The following NAA16 variants were observed in gnomAD, a reference collection of about 807,000 sequenced individuals.
NAA16 encodes the protein N-alpha-acetyltransferase 16, NatA auxiliary subunit, also known as NARG1-like protein.
Under a neutral mutation model 110.3 loss-of-function variants are expected in NAA16, and 97 were observed. The ratio of observed to expected loss-of-function variants is 0.88; its 90% confidence interval spans 0.75 to 1.04. The LOEUF (loss-of-function observed/expected upper bound fraction) is 1.04. Among genes scored for constraint, NAA16 ranks in the 50% least tolerant of loss-of-function variants. The probability of loss-of-function intolerance (pLI) is 0.00; values close to 1 mark genes in which losing one functional copy is unlikely to be tolerated. For synonymous variants in NAA16, 372 were observed against 330.6 expected, an observed-to-expected ratio of 1.13 and a Z score of -1.36; for missense variants, 1,017 against 1,005.1, an observed-to-expected ratio of 1.01 and a Z score of -0.16.
intron 9 of NAA16, among the ~76,000 whole-genome samples, chr13:41,350,297 GTTTT>G (rs71086566): frequency 7.9e-6 from 1 of 127,364 alleles, no homozygotes; most frequent in Non-Finnish European, 1.7e-5. Flanking sequence ...AATCAGTTTT[GTTTT>G]TTTTTTTTTT....
At chr13:41,360,030 C>T (rs1206465554) in intron 12 of NAA16, among the ~76,000 whole-genome samples, 3 of 152,152 alleles carry the variant, frequency 2.0e-5, no homozygotes, top group Non-Finnish European at 4.4e-5. Flanking sequence ...GCACTAGGTT[C>T]AAAGTCTTCA....
Position 41,311,378 on chromosome 13 carries a change from G to A in NAA16, c.-151G>A. ...CATTGCCACCCGTGCCGAACAGCCAGGCTGCCCAATTGCAACTGTAGACCA... is the reference window on the plus strand; with the variant it reads ...CATTGCCACCCGTGCCGAACAGCCAAGCTGCCCAATTGCAACTGTAGACCA... On this transcript the variant is annotated 5_prime_UTR_variant, in exon 1 of 20. Coordinates refer to ENST00000379406, the MANE Select transcript of NAA16 (RefSeq NM_024561.5). 2.9e-6 allele frequency: 2 copies of A among 690,076 alleles called. No homozygotes were observed. Among genetic ancestry groups the A allele is most frequent in the South Asian group, 3.6e-5 (2 of 54,998 alleles). 42.7% of individuals were successfully genotyped at this position (690,076 alleles called of 1,614,324 possible). A position where few individuals can be genotyped will look rare whatever the true frequency, so the allele number is the denominator to read the frequency against.
intron 7 of NAA16, among the ~76,000 whole-genome samples, chr13:41,331,070 T>C (rs1472866203): frequency 1.3e-5 from 2 of 152,150 alleles, no homozygotes; most frequent in South Asian, 2.1e-4. Flanking sequence ...TGGATTTTTC[T>C]GGAGATGAGT....
In NAA16 at chr13:41,311,268, C is replaced by T. The variant is rs1292389139; in HGVS notation, c.-261C>T. ...GAGGCGGACCCTGGCTGCCATCTTGCAGTGCGCGGGAACCGCCGCCGCCGC... is the reference window on the plus strand; with the variant it reads ...GAGGCGGACCCTGGCTGCCATCTTGTAGTGCGCGGGAACCGCCGCCGCCGC... On this transcript the variant is annotated 5_prime_UTR_variant, in exon 1 of 20. Coordinates refer to ENST00000379406, the MANE Select transcript of NAA16 (RefSeq NM_024561.5). 1 of 550,786 alleles carries T rather than the reference C, an allele frequency of 1.8e-6. No homozygotes were observed. Among genetic ancestry groups the T allele is most frequent in the South Asian group, 2.3e-5 (1 of 44,080 alleles). The allele number at this position is 550,786 out of a possible 1,614,324, so 34.1% of individuals were successfully genotyped here.
intron 4 of NAA16, among the ~76,000 whole-genome samples, 190 bp downstream of exon 4, chr13:41,321,014 A>G (rs1310093522): frequency 1.3e-5 from 2 of 152,262 alleles, no homozygotes; most frequent in African/African-American, 4.8e-5. Flanking sequence ...CAAAAAGAAT[A>G]ACTGGTGGGG....
At chr13:41,327,993 A>G (rs1291925987) in intron 6 of NAA16, 1 of 152,086 alleles carries the variant, frequency 6.6e-6, no homozygotes, top group Admixed American at 6.6e-5. Context: ...GACATTTTAA[A>G]GGGTTATTTG....
chr13:41,339,720 A>G (rs1276577153), intron 9 of NAA16, among the ~76,000 whole-genome samples: 1 of 152,008 alleles, frequency 6.6e-6, no homozygotes, highest in African/African-American at 2.4e-5. Context: ...CACCATGCCC[A>G]GCTAATTTTT....
At chr13:41,361,920 T>C in intron 12 of NAA16, 111 bp from the exon 13 acceptor site, 4 of 1,145,708 alleles carry the variant, frequency 3.5e-6, no homozygotes, top group Non-Finnish European at 4.9e-6. Flanking sequence ...ATATATTTGC[T>C]AATTGCTGCT....
intron 5 of NAA16, among the ~76,000 whole-genome samples, chr13:41,323,638 C>T: frequency 6.6e-6 from 1 of 151,916 alleles, no homozygotes; most frequent in East Asian, 1.9e-4. Flanking sequence ...AGGCGTGAGC[C>T]ACCGCGCCCG....
intron 9 of NAA16, among the ~76,000 whole-genome samples, chr13:41,352,967 A>G (rs2042877190): frequency 6.6e-6 from 1 of 152,088 alleles, no homozygotes; most frequent in Non-Finnish European, 1.5e-5. Flanking sequence ...AAATAGAAAA[A>G]TTAGCCGGGT....
chr13:41,344,399 A>G (rs2042629948), intron 9 of NAA16, among the ~76,000 whole-genome samples: 1 of 152,258 alleles, frequency 6.6e-6, no homozygotes, highest in Non-Finnish European at 1.5e-5. Flanking sequence ...CATCTTGGAA[A>G]GTCCTCTTTA....
chr13:41,358,816 G>A lies in NAA16; in HGVS notation c.1264G>A (p.Gly422Ser). The change falls in exon 12 of 20, where the codon GGT becomes AGT. Residue 422 changes from glycine (G) to serine (S), a missense_variant. Gly to Ser is a moderately conservative substitution (Grantham distance 56, BLOSUM62 0). Coordinates refer to ENST00000379406, the MANE Select transcript of NAA16 (RefSeq NM_024561.5). ...CTTTAATTATCTTTTATAGCATATA[G>A]GTAATCTCAAAGAAGCTGCAAAGTG... Reference protein sequence around the residue: ...YMKAKIYKHIGNLKEAAKWMD... With the variant: ...YMKAKIYKHISNLKEAAKWMD... The A allele has an allele frequency of 6.3e-7, 1 of 1,598,596 alleles. No individual in the cohort carries two copies. Among genetic ancestry groups the A allele is most frequent in the Non-Finnish European group, 8.5e-7 (1 of 1,170,482 alleles).
chr13:41,353,431 T>C (rs1227166505), intron 9 of NAA16, among the ~76,000 whole-genome samples: 1 of 151,926 alleles, frequency 6.6e-6, no homozygotes, highest in Non-Finnish European at 1.5e-5. Context: ...GTTCTCAAAC[T>C]CTTAATTGTG....
intron 9 of NAA16, among the ~76,000 whole-genome samples, chr13:41,342,430 G>A (rs115597899): frequency 4.5e-4 from 68 of 152,240 alleles, no homozygotes; most frequent in African/African-American, 1.5e-3. Flanking sequence ...GAACCATCGC[G>A]CCTGGCCCAG....
rs140898550 is a variant in NAA16, at chr13:41,311,280, A to ACCG, written c.-235_-233dup. The ACCG allele has an allele frequency of 8.6e-4, 471 of 548,716 alleles. 1 individual carries two copies. The highest frequency in any genetic ancestry group is 8.2e-3 in the East Asian group (247 of 30,300). The allele number at this position is 548,716 out of a possible 1,614,324, so 34.0% of individuals were successfully genotyped here. On this transcript the variant is annotated 5_prime_UTR_variant, in exon 1 of 20. Coordinates refer to ENST00000379406, the MANE Select transcript of NAA16 (RefSeq NM_024561.5). ...GGCTGCCATCTTGCAGTGCGCGGGAACCGCCGCCGCCGCCGCTGGCCAAAA... is the reference window on the plus strand; with the variant it reads ...GGCTGCCATCTTGCAGTGCGCGGGAACCGCCGCCGCCGCCGCCGCTGGCCAAAA...
chr13:41,360,177 T>C (rs973273960), intron 12 of NAA16, among the ~76,000 whole-genome samples: 1 of 152,182 alleles, frequency 6.6e-6, no homozygotes. Context: ...CAATTAAATA[T>C]GAAGTATACA....
Position 41,358,930 on chromosome 13 carries a change from G to C in NAA16, c.1378G>C (p.Glu460Gln), listed in dbSNP as rs375683312. ...KYMLRANMIK[E>Q]AEEMCSKFTR... ...CATGCTTCGAGCAAATATGATAAAA[G>C]AAGCAGAGGAAATGTGCTCCAAGTT... Residue 460 changes from glutamate to glutamine, a missense_variant, in exon 12 of 20, where the codon GAA (glutamate) becomes CAA (glutamine). Physicochemically the swap from Glu to Gln is conservative, Grantham distance 29 (BLOSUM62 2). Coordinates refer to ENST00000379406, the MANE Select transcript of NAA16 (RefSeq NM_024561.5). 28 of 1,610,040 alleles carry C rather than the reference G, an allele frequency of 1.7e-5. No homozygotes were observed. Among genetic ancestry groups the C allele is most frequent in the Non-Finnish European group, 2.3e-5 (27 of 1,177,372 alleles).
Position 41,336,745 on chromosome 13 carries a change from A to C in NAA16, c.1003A>C (p.Asn335His), listed in dbSNP as rs2042391738. ...LFTTLKSLYY[N>H]TEKVSIIQEL... ...TACTACTTTGAAATCTTTATATTAC[A>C]ATACAGAAAAGGTAAAATTTGGTAT... Residue 335 changes from asparagine to histidine, a missense_variant, in exon 9 of 20, where the codon AAT (asparagine) becomes CAT (histidine). Transcript: ENST00000379406. The C allele has an allele frequency of 1.3e-6, 2 of 1,585,298 alleles. No individual in the cohort carries two copies. Among genetic ancestry groups the C allele is most frequent in the African/African-American group, 1.3e-5 (1 of 74,140 alleles).
chr13:41,354,775 C>T (rs1284193895), intron 9 of NAA16: 1 of 157,556 alleles, frequency 6.3e-6, no homozygotes. Context: ...GCAAAAGAGT[C>T]ATTTTTAATT....
Sources: allele counts gnomAD v4.1 joint callset (sites outside exome capture counted in the v4.1 genomes callset), GRCh38; gene constraint gnomAD v4.1.1; transcripts MANE v1.5; gene names NCBI Gene and HGNC (gene_info 2026-07-23, HGNC 2026-07-21).